HIVEP1: variants seen among roughly 807,000 people sequenced by gnomAD.
The protein encoded by HIVEP1 is HIVEP zinc finger 1, also known as zinc finger protein 40.
HIVEP1 carries 36 observed loss-of-function variants against 180.0 expected under a neutral mutation model. The observed-to-expected ratio is 0.20, with a 90% CI of 0.15 to 0.26. The LOEUF is 0.26. HIVEP1 is among the 10% of genes least tolerant of loss of function. The probability of loss-of-function intolerance (pLI) is 1.00; values close to 1 mark genes in which losing one functional copy is unlikely to be tolerated. For synonymous variants in HIVEP1, 1,239 were observed against 1,239.0 expected (o/e 1.00, Z 0.00); for missense variants, 3,143 against 3,268.7 (o/e 0.96, Z 0.94).
chr6:12,114,539 T>C (rs1248210091), intron 3 of HIVEP1, among the ~76,000 whole-genome samples: 1 of 152,188 alleles, frequency 6.6e-6, no homozygotes, highest in Non-Finnish European at 1.5e-5. Context: ...TTATCATTTA[T>C]GTCCTTTTAC....
chr6:12,161,817 T>C lies in HIVEP1; in HGVS notation c.6866T>C (p.Ile2289Thr). 1 of 1,614,142 alleles carries C rather than the reference T, an allele frequency of 6.2e-7. No individual in the cohort carries two copies. The highest frequency in any genetic ancestry group is 1.1e-5 in the South Asian group (1 of 91,088). The change falls in exon 8 of 9, where the codon ATT becomes ACT. Residue 2289 changes from isoleucine to threonine, a missense_variant. Coordinates refer to ENST00000379388, the MANE Select transcript of HIVEP1 (RefSeq NM_002114.4). Reference protein sequence around the residue: ...QRAARDENDTIPSVDTSRSPC... With the variant: ...QRAARDENDTTPSVDTSRSPC... ...GCTGCGAGAGATGAAAACGACACAA[T>C]TCCGTCTGTAGACACTTCCAGGTCC...
chr6:12,167,967 TTATA>T (rs1241513260), downstream of HIVEP1, among the ~76,000 whole-genome samples: 2 of 119,262 alleles, frequency 1.7e-5, no homozygotes, highest in Non-Finnish European at 3.5e-5. Context: ...TATGTATATA[TTATA>T]TATACATGTA....
At chr6:12,040,852 G>T (rs1051451524) in intron 2 of HIVEP1, among the ~76,000 whole-genome samples, 2 of 151,784 alleles carry the variant, frequency 1.3e-5, no homozygotes, top group African/African-American at 2.4e-5. Flanking sequence ...TAGGCACATC[G>T]CATGGCAAGG....
chr6:12,022,659 G>A (rs1404270973), intron 2 of HIVEP1, among the ~76,000 whole-genome samples: 1 of 152,198 alleles, frequency 6.6e-6, no homozygotes, highest in African/African-American at 2.4e-5. Flanking sequence ...CAGGGTACAC[G>A]CTCAATCCAG....
At chr6:12,020,233 G>GT (rs1286547646) in intron 2 of HIVEP1, 1 of 449,916 alleles carries the variant, frequency 2.2e-6, no homozygotes, top group Non-Finnish European at 4.6e-6. Context: ...CTCCATGCCT[G>GT]TTTCCCATCT....
At chr6:12,208,296 T>C in the HIVEP1 span, among the ~76,000 whole-genome samples, 1 of 152,298 alleles carries the variant, frequency 6.6e-6, no homozygotes, top group Non-Finnish European at 1.5e-5. Context: ...AGCTGACTCA[T>C]CACCCCAAAC....
intron 2 of HIVEP1, among the ~76,000 whole-genome samples, chr6:12,054,662 T>C (rs1770748611): frequency 6.6e-6 from 1 of 152,236 alleles, no homozygotes. Flanking sequence ...GACTTCACCA[T>C]AATGAACTTT....
intron 2 of HIVEP1, among the ~76,000 whole-genome samples, chr6:12,018,148 C>T (rs115180420): frequency 0.033 from 5,047 of 152,322 alleles, 263 homozygotes; most frequent in African/African-American, 0.11. Context: ...GCACCCTTCG[C>T]GGCTGCTGGC....
intron 3 of HIVEP1, among the ~76,000 whole-genome samples, chr6:12,109,595 A>T (rs1774751802): frequency 6.6e-6 from 1 of 152,192 alleles, no homozygotes; most frequent in African/African-American, 2.4e-5. Context: ...TTATCGTGAG[A>T]TTGCAGCAAT....
At chr6:12,193,121 G>GTAAT in the HIVEP1 span, among the ~76,000 whole-genome samples, 20 of 152,288 alleles carry the variant, frequency 1.3e-4, no homozygotes, top group Non-Finnish European at 2.9e-4. Context: ...GCTGGCCTAT[G>GTAAT]TAATTTAATT....
the HIVEP1 span, among the ~76,000 whole-genome samples, chr6:12,179,953 T>C: frequency 6.6e-5 from 10 of 152,194 alleles, no homozygotes; most frequent in Admixed American, 1.3e-4. Flanking sequence ...AGCTATGACA[T>C]GAATTTTCTT....
At chr6:12,084,187 G>C (rs1422301696) in intron 2 of HIVEP1, among the ~76,000 whole-genome samples, 2 of 152,130 alleles carry the variant, frequency 1.3e-5, no homozygotes, top group Admixed American at 6.6e-5. Flanking sequence ...TTCTGGATCA[G>C]TTTGGGTAGT....
intron 7 of HIVEP1, among the ~76,000 whole-genome samples, chr6:12,155,418 C>T (rs979775099): frequency 6.6e-6 from 1 of 151,812 alleles, no homozygotes; most frequent in Admixed American, 6.6e-5. Flanking sequence ...CTATCACCCC[C>T]CAACAGACAG....
At chr6:12,037,955 A>T in intron 2 of HIVEP1, 2 of 387,162 alleles carry the variant, frequency 5.2e-6, no homozygotes, top group Non-Finnish European at 9.1e-6. Flanking sequence ...CCTCAAGTGA[A>T]CCTCCTGTGT....
chr6:12,144,439 CT>C (rs1470426006), intron 7 of HIVEP1, among the ~76,000 whole-genome samples: 1 of 152,098 alleles, frequency 6.6e-6, no homozygotes, highest in Admixed American at 6.5e-5. Context: ...AGAAGAAAAC[CT>C]AGGCAATACC....
At chr6:12,073,244 A>G (rs1025118817) in intron 2 of HIVEP1, among the ~76,000 whole-genome samples, 3 of 152,178 alleles carry the variant, frequency 2.0e-5, no homozygotes, top group Admixed American at 2.0e-4. Flanking sequence ...GCAGGACTTG[A>G]GTTCCTAGCT....
downstream of HIVEP1, among the ~76,000 whole-genome samples, chr6:12,168,039 A>G (rs1465859456): frequency 1.2e-4 from 6 of 51,636 alleles, no homozygotes; most frequent in African/African-American, 3.3e-4. Flanking sequence ...TATATTATAT[A>G]TACATATACA....
rs142871685 is a variant in HIVEP1, at chr6:12,045,472, G to A, written c.40+29804G>A. ...GGCACATTTTTAAAGGTGCTGTTAG[G>A]GTAGAAAGGAGGCCCAGGACCACTG... On this transcript the variant is annotated intron_variant, in intron 2 of 8. Coordinates refer to ENST00000379388, the MANE Select transcript of HIVEP1 (RefSeq NM_002114.4). Among the ~76,000 whole-genome samples, 50 of 152,324 alleles carry A rather than the reference G, an allele frequency of 3.3e-4. No individual in the cohort carries two copies. The East Asian group carries it at 4.6e-3, about 14-fold the overall frequency.
chr6:12,122,888 G>A lies in HIVEP1; in HGVS notation c.3093G>A (p.Arg1031=). ...IWEQTPQIRK[R]RKMKSVGDDE... ...AACAGACGCCCCAGATAAGAAAAAGGAGGAAAATGAAAAGTGTTGGGGATG... is the reference window on the plus strand; with the variant it reads ...AACAGACGCCCCAGATAAGAAAAAGAAGGAAAATGAAAAGTGTTGGGGATG... Residue 1031 remains arginine (R), a synonymous_variant, in exon 4 of 9, where the codon AGG becomes AGA. Coordinates refer to ENST00000379388, the MANE Select transcript of HIVEP1 (RefSeq NM_002114.4). 6.2e-7 allele frequency: 1 copy of A among 1,614,142 alleles called. No individual in the cohort carries two copies. Among genetic ancestry groups the A allele is most frequent in the Middle Eastern group, 1.6e-4 (1 of 6,062 alleles).
Sources: gnomAD v4.1 joint callset for allele counts (sites outside exome capture counted in the v4.1 genomes callset) on GRCh38, gnomAD v4.1.1 for gene constraint, MANE v1.5 for transcripts, NCBI Gene and HGNC (gene_info 2026-07-23, HGNC 2026-07-21) for gene names.